Variants in EXOC4 observed in about 807,000 individuals in gnomAD.
EXOC4 encodes SEC8-like 1.
In EXOC4, 71 loss-of-function variants were observed where a neutral mutation model predicts 107.2. The ratio of observed to expected loss-of-function variants is 0.66; its 90% confidence interval spans 0.55 to 0.81. EXOC4 has a LOEUF of 0.81. Ranked by LOEUF, EXOC4 falls within the 30% of genes least tolerant of loss-of-function variation. The probability of loss-of-function intolerance (pLI) is 0.00; values close to 1 mark genes in which losing one functional copy is unlikely to be tolerated. For missense variants in EXOC4, 1,108 were observed against 1,189.6 expected (o/e 0.93, Z 1.01); for synonymous variants, 456 against 441.2 (o/e 1.03, Z -0.42).
intron 9 of EXOC4, among the ~76,000 whole-genome samples, chr7:133,515,401 A>C (rs895733915): frequency 6.6e-6 from 1 of 152,120 alleles, no homozygotes; most frequent in Non-Finnish European, 1.5e-5. Flanking sequence ...ACATATATAC[A>C]TATATATACA....
At chr7:133,615,954 G>T (rs1802183716) in intron 9 of EXOC4, among the ~76,000 whole-genome samples, 1 of 152,144 alleles carries the variant, frequency 6.6e-6, no homozygotes, top group Admixed American at 6.5e-5. Flanking sequence ...TTGATAAGTA[G>T]CTTCTTTGTT....
chr7:133,836,174 T>A (rs1797914256), intron 11 of EXOC4, among the ~76,000 whole-genome samples: 1 of 152,198 alleles, frequency 6.6e-6, no homozygotes. Context: ...TCATAAATCT[T>A]TTTAATAAAA....
At chr7:134,037,327 C>T (rs1795413915) in intron 17 of EXOC4, among the ~76,000 whole-genome samples, 1 of 151,986 alleles carries the variant, frequency 6.6e-6, no homozygotes, top group Non-Finnish European at 1.5e-5. Context: ...CAGAAGGAGA[C>T]CAGGGTGACT....
intron 10 of EXOC4, among the ~76,000 whole-genome samples, chr7:133,736,121 C>T (rs1795439898): frequency 6.6e-6 from 1 of 152,026 alleles, no homozygotes; most frequent in Non-Finnish European, 1.5e-5. Flanking sequence ...TCTCTATGTC[C>T]ACTGATTTCT....
chr7:133,403,239 A>T (rs1797134520), intron 7 of EXOC4, among the ~76,000 whole-genome samples: 1 of 152,188 alleles, frequency 6.6e-6, no homozygotes, highest in Non-Finnish European at 1.5e-5. Context: ...GGAACTGTAC[A>T]CACATGTTCA....
At chr7:133,305,117 G>A (rs1186579392) in intron 3 of EXOC4, among the ~76,000 whole-genome samples, 2 of 150,546 alleles carry the variant, frequency 1.3e-5, no homozygotes, top group African/African-American at 4.9e-5. Flanking sequence ...TTCAAAGTGA[G>A]TTGGTTGCTC....
At chr7:133,300,437 A>G (rs1392408894) in intron 3 of EXOC4, among the ~76,000 whole-genome samples, 1 of 152,180 alleles carries the variant, frequency 6.6e-6, no homozygotes, top group Non-Finnish European at 1.5e-5. Flanking sequence ...TGAAATCTTC[A>G]CAATAGCCCT....
rs567071901 is a variant in EXOC4, at chr7:133,457,355, T to G, written c.1183-17973T>G. Among the ~76,000 whole-genome samples, 10 of 152,268 alleles carry G rather than the reference T, an allele frequency of 6.6e-5. No individual in the cohort carries two copies. The South Asian group carries it at 1.5e-3, about 22-fold the overall frequency. On this transcript the variant is annotated intron_variant, in intron 7 of 17. Coordinates refer to ENST00000253861, the MANE Select transcript of EXOC4 (RefSeq NM_021807.4). ...GCTTCTTTGGGGAAATACAAAGGGA[T>G]GAGACATTTTTGTACTGAGAAATTC...
At chr7:133,917,277 T>TC (rs113006629) in intron 12 of EXOC4, among the ~76,000 whole-genome samples, 3 of 151,866 alleles carry the variant, frequency 2.0e-5, no homozygotes, top group Non-Finnish European at 4.4e-5. Context: ...TCTTAAAAGG[T>TC]CCCCCCCAAA....
chr7:133,974,339 T>C (rs537142175), intron 14 of EXOC4, among the ~76,000 whole-genome samples: 1 of 152,338 alleles, frequency 6.6e-6, no homozygotes, highest in South Asian at 2.1e-4. Flanking sequence ...TAAAATGACA[T>C]TTATTAAAAT....
chr7:133,715,396 A>G (rs548153318), intron 10 of EXOC4, among the ~76,000 whole-genome samples: 12 of 152,276 alleles, frequency 7.9e-5, no homozygotes, highest in African/African-American at 2.9e-4. Flanking sequence ...ACCTGACTGC[A>G]GACCACAAAA....
At chr7:133,997,227 C>T (rs1794415224) in intron 14 of EXOC4, among the ~76,000 whole-genome samples, 1 of 152,088 alleles carries the variant, frequency 6.6e-6, no homozygotes, top group Non-Finnish European at 1.5e-5. Flanking sequence ...TAGGTTGGTG[C>T]AAAAGTAATT....
At chr7:134,084,492 A>G in the EXOC4 span, among the ~76,000 whole-genome samples, 1 of 152,306 alleles carries the variant, frequency 6.6e-6, no homozygotes, top group African/African-American at 2.4e-5. Flanking sequence ...AAAGCTGATC[A>G]GAGAGAAGGT....
At chr7:133,986,383 G>A (rs1284124061) in intron 14 of EXOC4, among the ~76,000 whole-genome samples, 6 of 152,194 alleles carry the variant, frequency 3.9e-5, no homozygotes, top group Non-Finnish European at 1.5e-5. Flanking sequence ...TAGATGGTTT[G>A]GAAGATGGGA....
chr7:133,497,483 G>A (rs1799500004), intron 9 of EXOC4, among the ~76,000 whole-genome samples: 1 of 151,224 alleles, frequency 6.6e-6, no homozygotes, highest in African/African-American at 2.4e-5. Flanking sequence ...CTGGAGTGCG[G>A]TGGCATGATT....
At chr7:134,046,883 C>T (rs1031577363) in intron 17 of EXOC4, among the ~76,000 whole-genome samples, 7 of 152,146 alleles carry the variant, frequency 4.6e-5, no homozygotes, top group Non-Finnish European at 5.9e-5. Flanking sequence ...CATTAACCCC[C>T]GTCAGGGACA....
intron 6 of EXOC4, among the ~76,000 whole-genome samples, chr7:133,362,229 CT>C (rs1263864854): frequency 6.6e-6 from 1 of 152,096 alleles, no homozygotes; most frequent in Non-Finnish European, 1.5e-5. Flanking sequence ...TTTTCTAGTA[CT>C]TATATAGTCT....
chr7:134,091,625 C>T, the EXOC4 span, among the ~76,000 whole-genome samples: 2 of 152,182 alleles, frequency 1.3e-5, no homozygotes, highest in East Asian at 1.9e-4. Flanking sequence ...TGGTTCAATG[C>T]CTCTGGCAGT....
chr7:133,489,863 T>C (rs563848928), intron 9 of EXOC4, among the ~76,000 whole-genome samples: 2 of 152,070 alleles, frequency 1.3e-5, no homozygotes, highest in African/African-American at 4.8e-5. Context: ...ATTCATAGAG[T>C]CCCTGATATT....
Sources: allele counts gnomAD v4.1 joint callset (sites outside exome capture counted in the v4.1 genomes callset), GRCh38; gene constraint gnomAD v4.1.1; transcripts MANE v1.5; gene names NCBI Gene and HGNC (gene_info 2026-07-23, HGNC 2026-07-21).